Variants in ULK4 observed in about 807,000 individuals in gnomAD.
ULK4 encodes the protein inactive serine/threonine-protein kinase ULK4.
ULK4 carries 133 observed loss-of-function variants against 160.6 expected under a neutral mutation model. That is an observed-to-expected ratio of 0.83 (90% CI 0.72 to 0.96). ULK4 has a LOEUF of 0.96. Ranked by LOEUF, ULK4 falls within the 40% of genes least tolerant of loss-of-function variation. ULK4 has a pLI of 0.00. For synonymous variants in ULK4, 534 were observed against 539.8 expected (o/e 0.99, Z 0.15); for missense variants, 1,580 against 1,499.5 (o/e 1.05, Z -0.89).
At chr3:41,456,512 T>C (rs906463519) in intron 33 of ULK4, among the ~76,000 whole-genome samples, 1 of 152,240 alleles carries the variant, frequency 6.6e-6, no homozygotes, top group East Asian at 1.9e-4. Flanking sequence ...GATATTCCTA[T>C]GAATGTTTAG....
intron 5 of ULK4, among the ~76,000 whole-genome samples, chr3:41,921,042 A>G (rs957401761): frequency 2.0e-5 from 3 of 152,230 alleles, no homozygotes; most frequent in Non-Finnish European, 4.4e-5. Context: ...AATGTGGACC[A>G]GGCTCACACT....
intron 35 of ULK4, among the ~76,000 whole-genome samples, chr3:41,328,851 T>A (rs1000830254): frequency 3.3e-5 from 5 of 152,188 alleles, no homozygotes; most frequent in African/African-American, 1.2e-4. Context: ...GCCATGTTCT[T>A]ATGTGGGTTC....
At chr3:41,255,137 C>G (rs971798771) in intron 35 of ULK4, among the ~76,000 whole-genome samples, 8 of 151,416 alleles carry the variant, frequency 5.3e-5, no homozygotes, top group Non-Finnish European at 8.8e-5. Context: ...GCTACACACA[C>G]ACACACACAC....
chr3:41,647,372 G>A (rs2034544897), intron 30 of ULK4, among the ~76,000 whole-genome samples: 1 of 152,078 alleles, frequency 6.6e-6, no homozygotes, highest in Non-Finnish European at 1.5e-5. Context: ...TGGGTTTTTG[G>A]TGTGGATGTC....
At chr3:41,724,496 G>A (rs1049061665) in intron 22 of ULK4, among the ~76,000 whole-genome samples, 5 of 152,030 alleles carry the variant, frequency 3.3e-5, no homozygotes, top group South Asian at 2.1e-4. Context: ...AGGCCGAGGC[G>A]GGTGGATCAT....
At chr3:41,325,273 A>G (rs2080318828) in intron 35 of ULK4, among the ~76,000 whole-genome samples, 1 of 152,212 alleles carries the variant, frequency 6.6e-6, no homozygotes, top group African/African-American at 2.4e-5. Context: ...CACTCAGAAA[A>G]GAAACCCAGG....
rs867693515 is a variant in ULK4 at position 41,810,508 on chromosome 3, T to C, written c.1848+8915A>G. 2.0e-5 allele frequency among the ~76,000 whole-genome samples: 3 copies of C among 152,300 alleles called. No individual in the cohort carries two copies. In the South Asian group the frequency reaches 6.2e-4, roughly 32 times the overall value. ...GAATGTGGTCTGTTCTATTTCTCTG[T>C]CTCTTTCTTTAATGTTGTGGCAATG... On this transcript the variant is annotated intron_variant, in intron 19 of 36. Coordinates refer to ENST00000301831, the MANE Select transcript of ULK4 (RefSeq NM_017886.4).
intron 18 of ULK4, among the ~76,000 whole-genome samples, chr3:41,829,210 C>T (rs2041482280): frequency 6.7e-6 from 1 of 149,324 alleles, no homozygotes; most frequent in South Asian, 2.1e-4. Flanking sequence ...AAAACCTAGG[C>T]AATACCATTC....
intron 30 of ULK4, among the ~76,000 whole-genome samples, chr3:41,619,789 G>A (rs924182304): frequency 6.6e-6 from 1 of 152,102 alleles, no homozygotes; most frequent in Non-Finnish European, 1.5e-5. Context: ...GAAAGAGATG[G>A]AGACACGAAA....
At chr3:41,655,227 G>C (rs2034888423) in intron 30 of ULK4, among the ~76,000 whole-genome samples, 1 of 151,916 alleles carries the variant, frequency 6.6e-6, no homozygotes, top group African/African-American at 2.4e-5. Flanking sequence ...GTCCTTTGCA[G>C]GGACATAGAT....
intron 32 of ULK4, among the ~76,000 whole-genome samples, chr3:41,469,140 C>G (rs2083906168): frequency 6.6e-6 from 1 of 152,156 alleles, no homozygotes; most frequent in Non-Finnish European, 1.5e-5. Flanking sequence ...ATCATCACAG[C>G]AAATTTCCAC....
At chr3:41,948,792 T>C (rs1303983621) in intron 2 of ULK4, among the ~76,000 whole-genome samples, 2 of 148,918 alleles carry the variant, frequency 1.3e-5, no homozygotes, top group Non-Finnish European at 3.0e-5. Context: ...AAGTCATATA[T>C]GAAAAACCCA....
intron 32 of ULK4, among the ~76,000 whole-genome samples, chr3:41,470,431 C>T (rs555994539): frequency 5.3e-5 from 8 of 152,210 alleles, no homozygotes; most frequent in South Asian, 2.1e-4. Context: ...CAAATGCTAA[C>T]GGAATTCATC....
intron 17 of ULK4, among the ~76,000 whole-genome samples, chr3:41,841,722 G>C (rs528744291): frequency 6.6e-6 from 1 of 152,220 alleles, no homozygotes; most frequent in South Asian, 2.1e-4. Context: ...GGAAAAGAAA[G>C]AGAGATCAGA....
At chr3:41,849,580 A>C (rs1372272371) in intron 17 of ULK4, among the ~76,000 whole-genome samples, 1 of 152,246 alleles carries the variant, frequency 6.6e-6, no homozygotes, top group African/African-American at 2.4e-5. Context: ...AGATGTTTTA[A>C]TACATTCTTC....
intron 34 of ULK4, among the ~76,000 whole-genome samples, chr3:41,445,537 T>C (rs1450212820): frequency 1.3e-5 from 2 of 151,870 alleles, no homozygotes; most frequent in Non-Finnish European, 2.9e-5. Flanking sequence ...TATAGATCAA[T>C]GGAACAGAAC....
rs778572755 is a variant in ULK4 at position 41,733,725 on chromosome 3, A to ATTTTTT, written c.2322-15870_2322-15865dup. On this transcript the variant is annotated intron_variant, in intron 22 of 36. Transcript: ENST00000301831. ...TGCCTTGAATTCAACTAAACACATG[A>ATTTTTT]TTTTTTTTTTTTTTTTTTTTTTTTT... 3.1e-3 allele frequency among the ~76,000 whole-genome samples: 289 copies of ATTTTTT among 93,590 alleles called. 50 individuals carry two copies. Among genetic ancestry groups the ATTTTTT allele is most frequent in the African/African-American group, 0.017 (271 of 15,964 alleles). 61.4% of individuals were successfully genotyped at this position (93,590 alleles called of 152,430 possible).
chr3:41,424,469 A>T (rs1360264740), intron 34 of ULK4, among the ~76,000 whole-genome samples: 1 of 152,168 alleles, frequency 6.6e-6, no homozygotes, highest in African/African-American at 2.4e-5. Flanking sequence ...CTGACTGTGT[A>T]GGAGCCCCCA....
chr3:41,859,033 G>A (rs1405738406), intron 17 of ULK4, among the ~76,000 whole-genome samples: 1 of 152,076 alleles, frequency 6.6e-6, no homozygotes, highest in Non-Finnish European at 1.5e-5. Context: ...ATCTTCAAAT[G>A]CACAGATTCC....
Sources: allele counts gnomAD v4.1 joint callset (sites outside exome capture counted in the v4.1 genomes callset), GRCh38; gene constraint gnomAD v4.1.1; transcripts MANE v1.5; gene names NCBI Gene and HGNC (gene_info 2026-07-23, HGNC 2026-07-21).